The following SHANK2 variants were observed in gnomAD, a reference collection of about 807,000 sequenced individuals.
The protein encoded by SHANK2 is SH3 and multiple ankyrin repeat domains protein 2.
Under a neutral mutation model 133.7 loss-of-function variants are expected in SHANK2, and 43 were observed. The observed-to-expected ratio is 0.32, with a 90% confidence interval of 0.25 to 0.41. The LOEUF is 0.41. SHANK2 is among the 10% of genes least tolerant of loss of function. The pLI, the probability that SHANK2 is intolerant of heterozygous loss-of-function variation, is 1.00. For missense variants in SHANK2, 1,994 were observed against 2,235.8 expected, an observed-to-expected ratio of 0.89 and a Z score of 2.18; for synonymous variants, 1,017 against 952.8, an observed-to-expected ratio of 1.07 and a Z score of -1.24.
chr11:71,058,977 G>A (rs1426094136), intron 9 of SHANK2, among the ~76,000 whole-genome samples: 1 of 152,238 alleles, frequency 6.6e-6, no homozygotes, highest in African/African-American at 2.4e-5. Flanking sequence ...CACTTTGGGA[G>A]GCTGAGATGG....
intron 2 of SHANK2, among the ~76,000 whole-genome samples, chr11:71,196,412 A>G (rs1253346628): frequency 6.6e-6 from 1 of 151,802 alleles, no homozygotes; most frequent in Non-Finnish European, 1.5e-5. Context: ...CAGCCTCCCA[A>G]GTAGCTCGGA....
intron 17 of SHANK2, among the ~76,000 whole-genome samples, chr11:70,510,405 G>T (rs1300681124): frequency 1.3e-5 from 2 of 152,214 alleles, no homozygotes; most frequent in African/African-American, 4.8e-5. Flanking sequence ...CCGCGCTCAT[G>T]CTTGTAGCAG....
chr11:70,946,617 C>G (rs1555085510), intron 10 of SHANK2, among the ~76,000 whole-genome samples: 2 of 149,804 alleles, frequency 1.3e-5, no homozygotes, highest in African/African-American at 2.5e-5. Flanking sequence ...ACTAACCAAC[C>G]CTTCCCCAGG....
Position 71,115,531 on chromosome 11 carries a change from A to G in SHANK2, c.412-2167T>C, listed in dbSNP as rs191693778. Reference sequence around the variant, plus strand: ...AATTTCATGACAATGAAACCAGAGCAGCAGCTGCAAAGTCAATTTGGGGAC... The same window carrying G: ...AATTTCATGACAATGAAACCAGAGCGGCAGCTGCAAAGTCAATTTGGGGAC... On this transcript the variant is annotated intron_variant, in intron 4 of 25. Coordinates refer to ENST00000601538, the MANE Select transcript of SHANK2 (RefSeq NM_012309.5). Among the ~76,000 whole-genome samples, 4 of 152,314 alleles carry G rather than the reference A, an allele frequency of 2.6e-5. No homozygotes were observed. The East Asian group carries it at 7.7e-4, about 29-fold the overall frequency.
intron 17 of SHANK2, among the ~76,000 whole-genome samples, chr11:70,591,573 C>T (rs1293920074): frequency 1.3e-5 from 2 of 151,770 alleles, no homozygotes; most frequent in Non-Finnish European, 2.9e-5. Flanking sequence ...AAAGCAACAT[C>T]ATAGCTCCAT....
At chr11:70,904,755 A>C (rs1555077535) in intron 10 of SHANK2, among the ~76,000 whole-genome samples, 1 of 152,068 alleles carries the variant, frequency 6.6e-6, no homozygotes. Flanking sequence ...TAATCTGCCC[A>C]CGTCAGCCTC....
At chr11:70,943,313 G>A (rs192422727) in intron 10 of SHANK2, among the ~76,000 whole-genome samples, 127 of 152,300 alleles carry the variant, frequency 8.3e-4, no homozygotes, top group Admixed American at 1.7e-3. Context: ...AAGTGTGGCC[G>A]TGCTAGGGAG....
rs145252796 is a variant in SHANK2 at position 71,251,223 on chromosome 11, C to T, written c.-113+1202G>A. ...GCACCACCCTTTCTCCCTCTGGGTGCTCCAGCCCCACGGAAAGGCAAGCCT... is the reference window on the plus strand; with the variant it reads ...GCACCACCCTTTCTCCCTCTGGGTGTTCCAGCCCCACGGAAAGGCAAGCCT... On this transcript the variant is annotated intron_variant, in intron 1 of 25. Coordinates refer to ENST00000601538, the MANE Select transcript of SHANK2 (RefSeq NM_012309.5). Among the ~76,000 whole-genome samples the T allele has an allele frequency of 1.9e-3, 289 of 152,320 alleles. 4 individuals carry two copies. The highest frequency in any genetic ancestry group is 0.017 in the East Asian group (89 of 5,152).
At position 71,094,150 on chromosome 11, in the gene SHANK2, T is replaced by C. The variant is rs562021398; in HGVS notation, c.744+387A>G. Among the ~76,000 whole-genome samples the C allele has an allele frequency of 1.4e-3, 220 of 151,826 alleles. 1 individual carries two copies. The highest frequency in any genetic ancestry group is 4.7e-3 in the African/African-American group (195 of 41,382). ...GTGGGGCCTGGAGGGAGGTGATGGG[T>C]CATGGGGGCGGATTCTCAGGAATGG... On this transcript the variant is annotated intron_variant, in intron 7 of 25. Coordinates refer to ENST00000601538, the MANE Select transcript of SHANK2 (RefSeq NM_012309.5).
intron 2 of SHANK2, among the ~76,000 whole-genome samples, chr11:71,219,488 C>T (rs782122061): frequency 4.6e-5 from 7 of 152,140 alleles, no homozygotes; most frequent in Non-Finnish European, 7.4e-5. Context: ...CCAATAAGCT[C>T]ATAAAAACAT....
At chr11:71,187,825 G>C (rs1953704365) in intron 2 of SHANK2, among the ~76,000 whole-genome samples, 1 of 152,174 alleles carries the variant, frequency 6.6e-6, no homozygotes, top group Non-Finnish European at 1.5e-5. Flanking sequence ...GGAGCAAAGG[G>C]CAAGTGTGCA....
In SHANK2 at chr11:70,641,349, T is replaced by C. The variant is rs534645518; in HGVS notation, c.2061+18479A>G. 1.3e-3 allele frequency among the ~76,000 whole-genome samples: 202 copies of C among 152,286 alleles called. 3 individuals are homozygous for C. Among genetic ancestry groups the C allele is most frequent in the African/African-American group, 4.7e-3 (196 of 41,574 alleles). On this transcript the variant is annotated intron_variant, in intron 17 of 25. Coordinates refer to ENST00000601538, the MANE Select transcript of SHANK2 (RefSeq NM_012309.5). ...ACCTTGTGATCTGCCCGCCTTGGCC[T>C]CCCAAAGTGCTGGGATTACAGGCAT...
chr11:71,207,583 T>C (rs1954153153), intron 2 of SHANK2, among the ~76,000 whole-genome samples: 1 of 152,232 alleles, frequency 6.6e-6, no homozygotes, highest in South Asian at 2.1e-4. Context: ...TTTCCCTTCT[T>C]CTTTCCAAGA....
chr11:71,138,574 T>C (rs1473896400), intron 3 of SHANK2, among the ~76,000 whole-genome samples: 3 of 151,736 alleles, frequency 2.0e-5, no homozygotes, highest in Non-Finnish European at 4.4e-5. Flanking sequence ...CCCAGCACTT[T>C]GGGAGGCTGA....
chr11:70,550,170 C>G lies in SHANK2; in HGVS notation c.2062-47239G>C, dbSNP rs1591567574. ...AAAGGGAGGCACCATCAACCCACCCCCTCTATGCCCACCCAGCAGCCCAGG... is the reference window on the plus strand; with the variant it reads ...AAAGGGAGGCACCATCAACCCACCCGCTCTATGCCCACCCAGCAGCCCAGG... On this transcript the variant is annotated intron_variant, in intron 17 of 25. Transcript: ENST00000601538. 2.6e-5 allele frequency among the ~76,000 whole-genome samples: 4 copies of G among 152,206 alleles called. No homozygotes were observed. In the East Asian group the frequency reaches 5.8e-4, roughly 22 times the overall value.
chr11:70,623,199 C>T (rs2060855309), intron 17 of SHANK2, among the ~76,000 whole-genome samples: 1 of 152,026 alleles, frequency 6.6e-6, no homozygotes, highest in Non-Finnish European at 1.5e-5. Context: ...AAAAATTCCT[C>T]TCCACATCCT....
Position 71,094,603 on chromosome 11 carries a change from G to C in SHANK2, c.678C>G (p.Phe226Leu). 3 of 1,551,698 alleles carry C rather than the reference G, an allele frequency of 1.9e-6. No individual in the cohort carries two copies. Among genetic ancestry groups the C allele is most frequent in the Non-Finnish European group, 2.6e-6 (3 of 1,146,976 alleles). Residue 226 changes from phenylalanine (F) to leucine (L), a missense_variant, in exon 7 of 26, where the codon TTC becomes TTG. Transcript: ENST00000601538. Reference protein sequence around the residue: ...ALKNGGAHLDFRAKDGMTALH... With the variant: ...ALKNGGAHLDLRAKDGMTALH... ...GGGCGGTCATCCCATCTTTGGCACG[G>C]AAGTCCAGGTGAGCTCCACCATTTT...
chr11:70,693,981 C>T (rs1019117903), intron 15 of SHANK2, among the ~76,000 whole-genome samples: 15 of 152,004 alleles, frequency 9.9e-5, no homozygotes, highest in African/African-American at 3.6e-4. Context: ...GAGTGGATGG[C>T]GGGAAGGATG....
At position 71,175,914 on chromosome 11, in the gene SHANK2, G is replaced by A. The variant is rs1251698849; in HGVS notation, c.-12-28576C>T. Among the ~76,000 whole-genome samples the A allele has an allele frequency of 1.3e-5, 2 of 152,128 alleles. No individual in the cohort carries two copies. The highest frequency in any genetic ancestry group is 4.8e-5 in the African/African-American group (2 of 41,432). ...AGGCCAAGGTAGCTCCAGTTTGTGG[G>A]ACAAAACCAGGAGGAGAGAGAATGG... On this transcript the variant is annotated intron_variant, in intron 2 of 25. Transcript: ENST00000601538. This position sits in a 1 kb window ranked among gnomAD's most constrained non-coding sequence, Gnocchi z 4.2.
Sources: allele counts gnomAD v4.1 joint callset (sites outside exome capture counted in the v4.1 genomes callset), GRCh38; gene constraint gnomAD v4.1.1; non-coding constraint Gnocchi (gnomAD v3.1); transcripts MANE v1.5; gene names NCBI Gene and HGNC (gene_info 2026-07-23, HGNC 2026-07-21).